The following APOM variants were observed in gnomAD, a reference collection of about 807,000 sequenced individuals.
APOM encodes NG20-like protein.
APOM carries 24 observed loss-of-function variants against 23.5 expected under a neutral mutation model. The ratio of observed to expected loss-of-function variants is 1.02; its 90% confidence interval spans 0.74 to 1.44. APOM has a LOEUF of 1.44. Among genes scored for constraint, APOM ranks in the 40% most tolerant of loss-of-function variants. The pLI, the probability that APOM is intolerant of heterozygous loss-of-function variation, is 0.00. For missense variants in APOM, 200 were observed against 233.2 expected (o/e 0.86, Z 0.93); for synonymous variants, 82 against 84.1 (o/e 0.97, Z 0.14).
Position 31,657,385 on chromosome 6 carries a change from C to T in APOM, c.349C>T (p.Pro117Ser), listed in dbSNP as rs1800222972. ...GSTDLRTEGRPDMKTELFSSS... is the reference protein window; with the variant it reads ...GSTDLRTEGRSDMKTELFSSS... Reference sequence around the variant, plus strand: ...TCTCCCACCTGCCTTGACAGGCCGCCCTGACATGAAGACTGAGCTCTTTTC... The same window carrying T: ...TCTCCCACCTGCCTTGACAGGCCGCTCTGACATGAAGACTGAGCTCTTTTC... The change falls in exon 4 of 6, where the codon CCT becomes TCT. Residue 117 changes from proline to serine, a missense_variant. By Grantham distance (74) the Pro-to-Ser change is moderately conservative (BLOSUM62 -1). Coordinates refer to ENST00000375916, the MANE Select transcript of APOM (RefSeq NM_019101.3). 1.2e-6 allele frequency: 2 copies of T among 1,613,086 alleles called. No homozygotes were observed. The highest frequency in any genetic ancestry group is 1.7e-6 in the Non-Finnish European group (2 of 1,180,042).
intron 5 of APOM, 94 bp downstream of exon 5, chr6:31,657,817 A>G: frequency 8.2e-7 from 1 of 1,216,396 alleles, no homozygotes; most frequent in Non-Finnish European, 1.2e-6. Flanking sequence ...CACCAGAGGG[A>G]TGTGGCTAAG....
At position 31,656,095 on chromosome 6, in the gene APOM, TG is replaced by T; in HGVS notation, c.114+20del. 2 of 1,548,514 alleles carry T rather than the reference TG, an allele frequency of 1.3e-6. No homozygotes were observed. Among genetic ancestry groups the T allele is most frequent in the Non-Finnish European group, 8.7e-7 (1 of 1,143,266 alleles). On this transcript the variant is annotated intron_variant, in intron 1 of 5. Transcript: ENST00000375916. ...ATGGGAAGGAGGTATGGACTGAGAT[TG>T]GGGGAAGCCTATGGTGGAGGCTCTG...
At chr6:31,653,928 G>C (rs949809995), upstream of APOM, among the ~76,000 whole-genome samples, 2 of 152,042 alleles carry the variant, frequency 1.3e-5, no homozygotes, top group Non-Finnish European at 2.9e-5. Context: ...TGGGATTATA[G>C]GTGTGAGCTA....
chr6:31,652,435 G>A (rs953134030), upstream of APOM: 2 of 150,016 alleles, frequency 1.3e-5, no homozygotes, highest in Non-Finnish European at 3.0e-5. Flanking sequence ...TGCCACCGAC[G>A]GCCACTTCCG....
rs1800347322 is a variant in APOM, at chr6:31,658,169, C to T, written c.*80C>T. The T allele has an allele frequency of 2.7e-6, 4 of 1,464,086 alleles. No individual in the cohort carries two copies. Among genetic ancestry groups the T allele is most frequent in the Non-Finnish European group, 3.8e-6 (4 of 1,044,094 alleles). 90.7% of individuals were successfully genotyped at this position (1,464,086 alleles called of 1,614,324 possible). ...GGGAGAAGCTGGAGACTTCCAGCTCCAGCTCCCACTCAAGATAATAAAGAT... is the reference window on the plus strand; with the variant it reads ...GGGAGAAGCTGGAGACTTCCAGCTCTAGCTCCCACTCAAGATAATAAAGAT... On this transcript the variant is annotated 3_prime_UTR_variant, in exon 6 of 6. Transcript: ENST00000375916.
At chr6:31,657,866 G>A (rs1800306676) in intron 5 of APOM, 143 bp downstream of exon 5, 2 of 975,770 alleles carry the variant, frequency 2.0e-6, no homozygotes, top group Admixed American at 4.0e-5. Flanking sequence ...ATGGGTTCTG[G>A]GCTACTCAAA....
In APOM at chr6:31,657,463, C is replaced by T. The variant is rs753977558; in HGVS notation, c.427C>T (p.Arg143Cys). 6.8e-6 allele frequency: 11 copies of T among 1,612,722 alleles called. No individual in the cohort carries two copies. The highest frequency in any genetic ancestry group is 9.3e-6 in the Non-Finnish European group (11 of 1,180,012). Residue 143 changes from arginine (R) to cysteine (C), a missense_variant, in exon 4 of 6, where the codon CGC (arginine) becomes TGC (cysteine). Transcript: ENST00000375916. The part of the protein sequence containing the change: ...MLNETGQGYQ[R>C]FLLYNRSPHP... Reference sequence around the variant, plus strand: ...GAATGAGACAGGCCAGGGTTACCAGCGCTTTCTCCTCTACAGTGAGTAGGG... The same window carrying T: ...GAATGAGACAGGCCAGGGTTACCAGTGCTTTCTCCTCTACAGTGAGTAGGG...
chr6:31,654,360 C>G (rs2151136679), upstream of APOM, among the ~76,000 whole-genome samples: 1 of 152,178 alleles, frequency 6.6e-6, no homozygotes, highest in South Asian at 2.1e-4. Context: ...CAAGCCTCAG[C>G]CCTCGGCAAA....
upstream of APOM, among the ~76,000 whole-genome samples, chr6:31,653,015 T>C (rs894532678): frequency 1.3e-5 from 2 of 152,140 alleles, no homozygotes; most frequent in Non-Finnish European, 2.9e-5. Context: ...AGTAGGCGTT[T>C]GGGGGCGGCA....
upstream of APOM, among the ~76,000 whole-genome samples, chr6:31,654,267 C>CA (rs1379145429): frequency 6.9e-6 from 1 of 144,926 alleles, no homozygotes; most frequent in African/African-American, 2.6e-5. Context: ...AAAAAAAATT[C>CA]AAACATTACA....
chr6:31,656,038 T>C lies in APOM; in HGVS notation c.72T>C (p.Pro24=), dbSNP rs1291395494. The change falls in exon 1 of 6, where the codon CCT becomes CCC. Residue 24 remains proline, a synonymous_variant. Coordinates refer to ENST00000375916, the MANE Select transcript of APOM (RefSeq NM_019101.3). ...TCCTTAACTCCATCTACCAGTGCCC[T>C]GAGCACAGTCAACTGACAACTCTGG... ...GIILNSIYQC[P]EHSQLTTLGV... 5.0e-6 allele frequency: 8 copies of C among 1,588,618 alleles called. No homozygotes were observed. Among genetic ancestry groups the C allele is most frequent in the Non-Finnish European group, 6.0e-6 (7 of 1,167,000 alleles).
intron 5 of APOM, 36 bp downstream of exon 5, chr6:31,657,759 C>G (rs945345083): frequency 6.5e-7 from 1 of 1,547,078 alleles, no homozygotes; most frequent in East Asian, 2.2e-5. Flanking sequence ...AGGATTAGGA[C>G]TCACCAAGTC....
chr6:31,654,104 G>C (rs1397801233), upstream of APOM, among the ~76,000 whole-genome samples: 1 of 151,922 alleles, frequency 6.6e-6, no homozygotes, highest in African/African-American at 2.4e-5. Context: ...AATTAGCCTG[G>C]CGTGGTGGCG....
chr6:31,654,248 A>G (rs1403086427), upstream of APOM, among the ~76,000 whole-genome samples: 2 of 147,356 alleles, frequency 1.4e-5, no homozygotes, highest in Non-Finnish European at 3.0e-5. Flanking sequence ...CCCATCTCAA[A>G]AAAAAAAAAA....
chr6:31,657,221 G>A lies in APOM; in HGVS notation c.270-4G>A. On this transcript the variant is annotated splice_polypyrimidine_tract_variant and splice_region_variant and intron_variant, in intron 2 of 5. Coordinates refer to ENST00000375916, the MANE Select transcript of APOM (RefSeq NM_019101.3). ...TTTCCTCCTTGCCACCACCACCTCT[G>A]CAGGAAAGATGGGCTCTGTGTGCCC... 2 of 1,612,798 alleles carry A rather than the reference G, an allele frequency of 1.2e-6. No homozygotes were observed. The highest frequency in any genetic ancestry group is 2.2e-5 in the East Asian group (1 of 44,876).
At position 31,656,069 on chromosome 6, in the gene APOM, G is replaced by C. The variant is rs1483600795; in HGVS notation, c.103G>C (p.Asp35His). 6.4e-7 allele frequency: 1 copy of C among 1,566,846 alleles called. No individual in the cohort carries two copies. The highest frequency in any genetic ancestry group is 8.7e-7 in the Non-Finnish European group (1 of 1,155,108). Residue 35 changes from aspartate (D) to histidine (H), a missense_variant, in exon 1 of 6, where the codon GAT becomes CAT. Physicochemically the swap from Asp to His is moderately conservative, Grantham distance 81. Coordinates refer to ENST00000375916, the MANE Select transcript of APOM (RefSeq NM_019101.3). ...EHSQLTTLGVDGKEFPEVHLG... is the reference protein window; with the variant it reads ...EHSQLTTLGVHGKEFPEVHLG... ...CAGTCAACTGACAACTCTGGGCGTG[G>C]ATGGGAAGGAGGTATGGACTGAGAT...
At chr6:31,656,209 G>A in intron 1 of APOM, 129 bp downstream of exon 1, 7 of 832,634 alleles carry the variant, frequency 8.4e-6, no homozygotes, top group South Asian at 6.9e-5. Flanking sequence ...GATAATGAAA[G>A]CAAGAAGAAA....
chr6:31,656,329 T>C, intron 1 of APOM, 143 bp from the exon 2 acceptor site: 1 of 973,144 alleles, frequency 1.0e-6, no homozygotes, highest in Non-Finnish European at 1.5e-6. Context: ...TAATGACTCT[T>C]TGTCATGGAT....
intron 5 of APOM, 71 bp downstream of exon 5, chr6:31,657,794 G>C (rs754587717): frequency 2.9e-6 from 4 of 1,383,600 alleles, no homozygotes; most frequent in Non-Finnish European, 4.1e-6. Context: ...GGTGAAAGAG[G>C]CTCGTGTGAT....
Sources: allele counts gnomAD v4.1 joint callset (sites outside exome capture counted in the v4.1 genomes callset), GRCh38; gene constraint gnomAD v4.1.1; transcripts MANE v1.5; gene names NCBI Gene and HGNC (gene_info 2026-07-23, HGNC 2026-07-21).